Variants in ZNF713 observed in about 807,000 individuals in gnomAD.
The protein encoded by ZNF713 is zinc finger protein 713.
Under a neutral mutation model 28.7 loss-of-function variants are expected in ZNF713, and 21 were observed. The ratio of observed to expected loss-of-function variants is 0.73; its 90% CI spans 0.52 to 1.05. The LOEUF (loss-of-function observed/expected upper bound fraction) is 1.05, where lower values mean the gene tolerates loss of function less well. Among genes scored for constraint, ZNF713 ranks in the 50% least tolerant of loss-of-function variants. ZNF713 has a pLI of 0.00. For missense variants in ZNF713, 458 were observed against 532.4 expected, an observed-to-expected ratio of 0.86 and a Z score of 1.37; for synonymous variants, 167 against 178.0, an observed-to-expected ratio of 0.94 and a Z score of 0.49.
intron 4 of ZNF713, 104 bp from the exon 5 acceptor site, chr7:55,923,058 C>A: frequency 7.8e-7 from 1 of 1,289,124 alleles, no homozygotes; most frequent in South Asian, 2.4e-5. Flanking sequence ...TGAAGACTAT[C>A]AGCACAATGG....
intron 1 of ZNF713, among the ~76,000 whole-genome samples, chr7:55,896,532 G>A (rs2116173114): frequency 6.6e-6 from 1 of 151,974 alleles, no homozygotes; most frequent in East Asian, 1.9e-4. Context: ...AATGAACCTT[G>A]TGGTATTAGA....
intron 6 of ZNF713, among the ~76,000 whole-genome samples, chr7:55,927,522 G>A (rs751215408): frequency 2.0e-5 from 3 of 151,238 alleles, no homozygotes; most frequent in Non-Finnish European, 4.4e-5. Flanking sequence ...GACCTTGTCT[G>A]AAAAAAGCAA....
intron 6 of ZNF713, among the ~76,000 whole-genome samples, chr7:55,930,627 T>C (rs1279806459): frequency 1.3e-5 from 2 of 152,088 alleles, no homozygotes; most frequent in African/African-American, 2.4e-5. Context: ...AGCGTGGTGG[T>C]GCACACCTGT....
chr7:55,911,003 A>G (rs1353502291), intron 2 of ZNF713, among the ~76,000 whole-genome samples: 1 of 152,236 alleles, frequency 6.6e-6, no homozygotes, highest in African/African-American at 2.4e-5. Flanking sequence ...TGCTTAGGGA[A>G]TGAAGAACCT....
chr7:55,909,964 T>C (rs920493021), intron 2 of ZNF713, among the ~76,000 whole-genome samples: 3 of 151,060 alleles, frequency 2.0e-5, no homozygotes, highest in Non-Finnish European at 2.9e-5. Context: ...TGTGTATATA[T>C]ACGTTTATGT....
intron 1 of ZNF713, among the ~76,000 whole-genome samples, chr7:55,893,304 T>C (rs886771755): frequency 2.6e-5 from 4 of 152,128 alleles, no homozygotes; most frequent in East Asian, 1.9e-4. Flanking sequence ...ATAAATATGA[T>C]TGGACAAAAA....
rs35706402 is a variant in ZNF713, at chr7:55,902,993, CAAAA to C, written c.-582-3241_-582-3238del. On this transcript the variant is annotated intron_variant, in intron 1 of 6. Coordinates refer to ENST00000429591, the MANE Select transcript of ZNF713 (RefSeq NM_182633.3). The stretch of plus-strand genomic sequence containing the variant: ...GGACAACAAGAGCAAAACTCCGTCT[CAAAA>C]AAAAAAAAAAAAAAAAAAGAGTGTT... 4.3e-4 allele frequency among the ~76,000 whole-genome samples: 35 copies of C among 80,744 alleles called. No homozygotes were observed. The South Asian group carries it at 9.1e-3, about 21-fold the overall frequency. 53.0% of individuals were successfully genotyped at this position (80,744 alleles called of 152,430 possible).
chr7:55,940,439 G>T lies in ZNF713; in HGVS notation c.*433G>T. ...GCGCCTGGCCATAAACTTTCAATGC[G>T]TAGAAACCAAATTAATTTAGACCTT... On this transcript the variant is annotated 3_prime_UTR_variant, in exon 7 of 7. Coordinates refer to ENST00000429591, the MANE Select transcript of ZNF713 (RefSeq NM_182633.3). The T allele has an allele frequency of 2.0e-6, 2 of 987,008 alleles. No individual in the cohort carries two copies. The highest frequency in any genetic ancestry group is 5.2e-4 in the Middle Eastern group (1 of 1,920). The allele number at this position is 987,008 out of a possible 1,614,324, so 61.1% of individuals were successfully genotyped here.
chr7:55,937,007 G>T (rs1786363963), intron 6 of ZNF713, among the ~76,000 whole-genome samples: 1 of 152,092 alleles, frequency 6.6e-6, no homozygotes, highest in African/African-American at 2.4e-5. Flanking sequence ...AAACTAAACT[G>T]CAGTGAGTGG....
chr7:55,926,896 G>T (rs1786107363), intron 6 of ZNF713, among the ~76,000 whole-genome samples: 1 of 152,186 alleles, frequency 6.6e-6, no homozygotes, highest in Admixed American at 6.5e-5. Context: ...CCAGCACTTT[G>T]GGAAGCCAAA....
intron 6 of ZNF713, among the ~76,000 whole-genome samples, chr7:55,938,103 C>G (rs1048042828): frequency 1.3e-5 from 2 of 151,784 alleles, no homozygotes; most frequent in African/African-American, 4.8e-5. Flanking sequence ...CCTCGGGAGG[C>G]TGAAGCAGGA....
Position 55,935,199 on chromosome 7 carries a change from T to C in ZNF713, c.308-3783T>C, listed in dbSNP as rs538702917. ...CCACCGTGCCTGGACTGGCATTGCATATTGTCTGTCATATTGAAATACTAG... is the reference window on the plus strand; with the variant it reads ...CCACCGTGCCTGGACTGGCATTGCACATTGTCTGTCATATTGAAATACTAG... On this transcript the variant is annotated intron_variant, in intron 6 of 6. Transcript: ENST00000429591. Among the ~76,000 whole-genome samples the C allele has an allele frequency of 9.9e-4, 151 of 152,132 alleles. 1 individual carries two copies. Among genetic ancestry groups the C allele is most frequent in the Non-Finnish European group, 1.5e-3 (102 of 67,956 alleles).
intron 6 of ZNF713, 158 bp downstream of exon 6, chr7:55,923,857 T>C: frequency 1.9e-6 from 1 of 530,598 alleles, no homozygotes; most frequent in Non-Finnish European, 3.4e-6. Flanking sequence ...GAATTTGAAA[T>C]GGCTGTCTTA....
intron 3 of ZNF713, 95 bp downstream of exon 3, chr7:55,912,163 C>G: frequency 6.5e-6 from 1 of 154,362 alleles, no homozygotes; most frequent in Non-Finnish European, 1.4e-5. Context: ...GGAGTATTCA[C>G]TTTGGGGTGA....
Position 55,923,230 on chromosome 7 carries a change from C to A in ZNF713, c.156C>A (p.Ala52=). Residue 52 remains alanine, a synonymous_variant, in exon 5 of 7, where the codon GCC becomes GCA. Coordinates refer to ENST00000429591, the MANE Select transcript of ZNF713 (RefSeq NM_182633.3). ...TREEWDQLYP[A]QKNLYRDVML... is the part of the protein sequence containing the mutation. ...AGGAGTGGGACCAGCTGTACCCTGC[C>A]CAAAAGAACCTCTATCGAGACGTGA... 1 of 1,613,650 alleles carries A rather than the reference C, an allele frequency of 6.2e-7. No individual in the cohort carries two copies. Among genetic ancestry groups the A allele is most frequent in the Non-Finnish European group, 8.5e-7 (1 of 1,179,860 alleles).
chr7:55,907,397 G>T (rs900061741), intron 2 of ZNF713, among the ~76,000 whole-genome samples: 1 of 152,104 alleles, frequency 6.6e-6, no homozygotes, highest in African/African-American at 2.4e-5. Context: ...TCTTTGTCCT[G>T]TATTCATTAA....
chr7:55,892,527 C>G (rs1482175892), intron 1 of ZNF713, among the ~76,000 whole-genome samples: 4 of 127,660 alleles, frequency 3.1e-5, no homozygotes, highest in Non-Finnish European at 6.3e-5. Flanking sequence ...CCCCTTTGCC[C>G]TCTGAAGGTT....
At chr7:55,925,610 A>G (rs1786082591) in intron 6 of ZNF713, among the ~76,000 whole-genome samples, 1 of 151,654 alleles carries the variant, frequency 6.6e-6, no homozygotes, top group Non-Finnish European at 1.5e-5. Context: ...ACAGAGCAAG[A>G]CTCCATCTCA....
intron 4 of ZNF713, among the ~76,000 whole-genome samples, chr7:55,919,498 T>TGTTTTTTCTTTG (rs71015125): frequency 1.7e-5 from 1 of 59,644 alleles, no homozygotes; most frequent in Admixed American, 1.9e-4. Flanking sequence ...CAGTTTTTTT[T>TGTTTTTTCTTTG]TTTTTTTTTT....
Sources: allele counts gnomAD v4.1 joint callset (sites outside exome capture counted in the v4.1 genomes callset), GRCh38; gene constraint gnomAD v4.1.1; transcripts MANE v1.5; gene names NCBI Gene and HGNC (gene_info 2026-07-23, HGNC 2026-07-21).